AADAT: variants seen among roughly 807,000 people sequenced by gnomAD.
The protein encoded by AADAT is kynurenine/alpha-aminoadipate aminotransferase, mitochondrial.
A neutral mutation model predicts 56.2 loss-of-function variants in AADAT; 25 were observed. The observed-to-expected ratio is 0.44, with a 90% CI of 0.32 to 0.62. The LOEUF (loss-of-function observed/expected upper bound fraction) is 0.62. Among genes scored for constraint, AADAT ranks in the 20% least tolerant of loss-of-function variants. The probability of loss-of-function intolerance (pLI) is 0.04; values close to 1 mark genes in which losing one functional copy is unlikely to be tolerated. For missense variants in AADAT, 387 were observed against 510.5 expected (o/e 0.76, Z 2.33); for synonymous variants, 173 against 164.7 (o/e 1.05, Z -0.39).
chr4:170,063,401 G>C (rs146496322), intron 11 of AADAT, among the ~76,000 whole-genome samples: 2 of 152,290 alleles, frequency 1.3e-5, no homozygotes, highest in Non-Finnish European at 2.9e-5. Context: ...TATCCTTAGC[G>C]CCTCGCTTAG....
chr4:170,078,416 C>T lies in AADAT; in HGVS notation c.444+93G>A. ...TATTTTAAAGTTAATAAGATATTAA[C>T]TTTATTATAATAAAGTTATTATAAA... On this transcript the variant is annotated intron_variant, in intron 4 of 12. Transcript: ENST00000337664. The T allele has an allele frequency of 9.0e-6, 6 of 668,822 alleles. No individual in the cohort carries two copies. In the South Asian group the frequency reaches 1.1e-4, roughly 12 times the overall value. The allele number at this position is 668,822 out of a possible 1,614,324, so 41.4% of individuals were successfully genotyped here. A position where few individuals can be genotyped will look rare whatever the true frequency, so the allele number is the denominator to read the frequency against.
At chr4:170,079,377 A>C (rs1159582006) in intron 3 of AADAT, among the ~76,000 whole-genome samples, 1 of 152,218 alleles carries the variant, frequency 6.6e-6, no homozygotes, top group Non-Finnish European at 1.5e-5. Flanking sequence ...AAGGGAGGCA[A>C]GTAAGGATTT....
At chr4:170,070,106 G>A (rs973599991) in intron 6 of AADAT, among the ~76,000 whole-genome samples, 1 of 151,788 alleles carries the variant, frequency 6.6e-6, no homozygotes, top group Non-Finnish European at 1.5e-5. Flanking sequence ...TGTGTCCATC[G>A]GGGATGCTGC....
At chr4:170,092,652 A>G (rs1732902677), upstream of AADAT, among the ~76,000 whole-genome samples, 1 of 152,230 alleles carries the variant, frequency 6.6e-6, no homozygotes, top group African/African-American at 2.4e-5. Flanking sequence ...AGTAGTTGAA[A>G]TCCCATTTGA....
intron 11 of AADAT, among the ~76,000 whole-genome samples, chr4:170,064,360 A>C (rs1731342682): frequency 6.6e-6 from 1 of 152,200 alleles, no homozygotes; most frequent in Non-Finnish European, 1.5e-5. Flanking sequence ...GATTCTTATT[A>C]CCTCTGTTTT....
chr4:170,070,112 G>A (rs1036415677), intron 6 of AADAT, among the ~76,000 whole-genome samples: 1 of 152,020 alleles, frequency 6.6e-6, no homozygotes, highest in African/African-American at 2.4e-5. Flanking sequence ...CATCGGGGAT[G>A]CTGCTAACAG....
At position 170,068,615 on chromosome 4, in the gene AADAT, T is replaced by C. The variant is rs370431862; in HGVS notation, c.876A>G (p.Thr292=). ...CCTGGTTAAAAGTGCTGGGGTGCAA[T>C]GTTGAAACTTGTATGTGTAAAATAA... ...ERVILHIQVS[T]LHPSTFNQLM... Residue 292 remains threonine (T), a synonymous_variant, in exon 8 of 13, where the codon ACA becomes ACG. Transcript: ENST00000337664. 6.2e-7 allele frequency: 1 copy of C among 1,605,724 alleles called. No individual in the cohort carries two copies. Among genetic ancestry groups the C allele is most frequent in the Non-Finnish European group, 8.5e-7 (1 of 1,178,246 alleles).
Position 170,064,699 on chromosome 4 carries a change from C to G in AADAT, c.1134+20G>C. ...ATAACTTTTCCTTAGGTTTCCCAGC[C>G]CTTCACCTCCCAGTTTTACCCCCAT... On this transcript the variant is annotated intron_variant, in intron 11 of 12. Coordinates refer to ENST00000337664, the MANE Select transcript of AADAT (RefSeq NM_016228.4). 1.2e-5 allele frequency: 18 copies of G among 1,518,822 alleles called. No homozygotes were observed. The highest frequency in any genetic ancestry group is 1.5e-5 in the Non-Finnish European group (17 of 1,114,362). 94.1% of individuals were successfully genotyped at this position (1,518,822 alleles called of 1,614,324 possible).
intron 3 of AADAT, among the ~76,000 whole-genome samples, chr4:170,086,747 T>C (rs1291641751): frequency 2.6e-5 from 4 of 152,184 alleles, no homozygotes; most frequent in Admixed American, 6.5e-5. Flanking sequence ...ATTGACCACA[T>C]GCTCTGTATT....
intron 3 of AADAT, among the ~76,000 whole-genome samples, chr4:170,080,102 T>G (rs776719270): frequency 2.0e-5 from 3 of 152,070 alleles, no homozygotes; most frequent in Non-Finnish European, 4.4e-5. Context: ...AGACTTCCAG[T>G]TCCAAAATGG....
At chr4:170,072,540 G>A (rs1404174826) in intron 5 of AADAT, among the ~76,000 whole-genome samples, 1 of 152,146 alleles carries the variant, frequency 6.6e-6, no homozygotes, top group African/African-American at 2.4e-5. Context: ...TTTAACATGG[G>A]TTTGGTATTT....
chr4:170,092,580 C>T (rs6830024), upstream of AADAT, among the ~76,000 whole-genome samples: 6,528 of 152,296 alleles, frequency 0.043, 467 homozygotes, highest in African/African-American at 0.15. Flanking sequence ...ATTCCAGGCA[C>T]AGTATCTAGT....
chr4:170,092,608 A>C (rs370459012), upstream of AADAT, among the ~76,000 whole-genome samples: 1 of 152,344 alleles, frequency 6.6e-6, no homozygotes, highest in South Asian at 2.1e-4. Flanking sequence ...TTAGAAACCC[A>C]CGAGGCAAAA....
At chr4:170,061,013 T>C (rs1164355121) in intron 12 of AADAT, 44 bp from the exon 13 acceptor site, 2 of 1,320,188 alleles carry the variant, frequency 1.5e-6, no homozygotes, top group African/African-American at 1.5e-5. Flanking sequence ...ATTAGGATAC[T>C]ATATTGGAAA....
At chr4:170,080,638 A>G (rs924711118) in intron 3 of AADAT, among the ~76,000 whole-genome samples, 3 of 152,146 alleles carry the variant, frequency 2.0e-5, no homozygotes, top group Non-Finnish European at 4.4e-5. Flanking sequence ...CCTGGGTATA[A>G]TTCTTTTGCT....
chr4:170,086,904 C>T (rs1581598379), intron 3 of AADAT, among the ~76,000 whole-genome samples: 1 of 152,146 alleles, frequency 6.6e-6, no homozygotes, highest in Non-Finnish European at 1.5e-5. Flanking sequence ...ACAGTCAACA[C>T]CCCCTACCCA....
intron 2 of AADAT, 97 bp downstream of exon 2, chr4:170,088,299 G>A (rs1732659408): frequency 1.6e-6 from 2 of 1,260,044 alleles, no homozygotes; most frequent in Admixed American, 2.4e-5. Context: ...TTTATGAATG[G>A]ACCTTAGAAT....
intron 4 of AADAT, among the ~76,000 whole-genome samples, chr4:170,075,889 A>G (rs541751605): frequency 4.4e-4 from 67 of 152,340 alleles, no homozygotes; most frequent in African/African-American, 1.6e-3. Context: ...AATGCTTTCA[A>G]GGTTCATCCA....
chr4:170,079,092 T>TA (rs1289227790), intron 3 of AADAT, among the ~76,000 whole-genome samples: 1 of 152,206 alleles, frequency 6.6e-6, no homozygotes, highest in African/African-American at 2.4e-5. Context: ...AGACACCAAT[T>TA]AAATAACTAC....
Sources: gnomAD v4.1 joint callset for allele counts (sites outside exome capture counted in the v4.1 genomes callset) on GRCh38, gnomAD v4.1.1 for gene constraint, MANE v1.5 for transcripts, NCBI Gene and HGNC (gene_info 2026-07-23, HGNC 2026-07-21) for gene names.